Variants in CEP78 observed in about 807,000 individuals in gnomAD.
CEP78 encodes the protein centrosomal protein of 78 kDa.
CEP78 carries 76 observed loss-of-function variants against 81.2 expected under a neutral mutation model. The observed-to-expected ratio is 0.94, with a 90% confidence interval of 0.78 to 1.13. CEP78 has a LOEUF of 1.13. Ranked by LOEUF, CEP78 falls within the 50% of genes most tolerant of loss-of-function variation. The pLI is 0.00. For missense variants in CEP78, 918 were observed against 846.8 expected (o/e 1.08, Z -1.04); for synonymous variants, 293 against 301.4 (o/e 0.97, Z 0.29).
chr9:78,255,720 G>A (rs1826988801), intron 11 of CEP78, among the ~76,000 whole-genome samples: 1 of 152,062 alleles, frequency 6.6e-6, no homozygotes, highest in Admixed American at 6.5e-5. Flanking sequence ...ATATTAGAGG[G>A]AAAAATCTAT....
chr9:78,253,593 CCTTAAGTTTAAAAGAAATGTT>C, intron 10 of CEP78: 1 of 244,982 alleles, frequency 4.1e-6, no homozygotes, highest in Non-Finnish European at 8.0e-6. Flanking sequence ...TCAAGAATGT[CCTTAAGTTTAAAAGAAATGTT>C]CTTGGGGGAT....
chr9:78,240,038 A>C lies in CEP78; in HGVS notation c.269A>C (p.Lys90Thr), dbSNP rs1178390483. ...TTTGTTTTAGGTTCTGACATGAATAAATTTTGCAGAAGTCGTGTTCCTGCG... is the reference window on the plus strand; with the variant it reads ...TTTGTTTTAGGTTCTGACATGAATACATTTTGCAGAAGTCGTGTTCCTGCG... Reference protein sequence around the residue: ...WLGDTGSDMNKFCRSRVPAIR... With the variant: ...WLGDTGSDMNTFCRSRVPAIR... The change falls in exon 2 of 17, where the codon AAA becomes ACA. Residue 90 changes from lysine (K) to threonine (T), a missense_variant. By Grantham distance (78) the Lys-to-Thr change is moderately conservative (BLOSUM62 -1). Transcript: ENST00000643273. 2 of 1,576,712 alleles carry C rather than the reference A, an allele frequency of 1.3e-6. No individual in the cohort carries two copies.
intron 6 of CEP78, among the ~76,000 whole-genome samples, chr9:78,247,972 T>G (rs1826575874): frequency 6.6e-6 from 1 of 152,212 alleles, no homozygotes; most frequent in Admixed American, 6.5e-5. Context: ...CTTTTAAGCA[T>G]CTAAGTATCT....
At chr9:78,253,202 A>G in intron 9 of CEP78, 30 bp from the exon 10 acceptor site, 1 of 992,218 alleles carries the variant, frequency 1.0e-6, no homozygotes, top group Non-Finnish European at 1.6e-6. Flanking sequence ...TTACATCAAA[A>G]TATAACTTAA....
chr9:78,245,505 G>A (rs1041237814), intron 5 of CEP78, among the ~76,000 whole-genome samples: 2 of 152,224 alleles, frequency 1.3e-5, no homozygotes, highest in African/African-American at 4.8e-5. Flanking sequence ...CTACTACCCT[G>A]TTGTGGATTA....
At position 78,265,428 on chromosome 9, in the gene CEP78, G is replaced by A; in HGVS notation, c.1682G>A (p.Gly561Asp). The change falls in exon 14 of 17, where the codon GGT (glycine) becomes GAT (aspartate). Residue 561 changes from glycine (G) to aspartate (D), a missense_variant. Physicochemically the swap from Gly to Asp is moderately conservative, Grantham distance 94. Transcript: ENST00000643273. ...GATCAGTCAGATTTTCAATTACTAG[G>A]TCATCCCCAGATGACTTCTACTGTT... is the stretch of plus-strand genomic sequence containing the variant. ...GIDQSDFQLLGHPQMTSTVSN... is the reference protein window; with the variant it reads ...GIDQSDFQLLDHPQMTSTVSN... 6.2e-7 allele frequency: 1 copy of A among 1,604,448 alleles called. No individual in the cohort carries two copies. Among genetic ancestry groups the A allele is most frequent in the Non-Finnish European group, 8.5e-7 (1 of 1,175,274 alleles).
intron 5 of CEP78, among the ~76,000 whole-genome samples, chr9:78,244,190 A>C (rs1587560959): frequency 8.1e-6 from 1 of 123,790 alleles, no homozygotes. Flanking sequence ...CCCAGGCTGG[A>C]GTGCAATGGT....
chr9:78,258,837 AAAT>A (rs1157629960), intron 11 of CEP78, among the ~76,000 whole-genome samples: 3 of 152,182 alleles, frequency 2.0e-5, no homozygotes, highest in African/African-American at 7.2e-5. Context: ...GATTGGCAAA[AAAT>A]AAAATTTTAT....
At chr9:78,247,177 A>G (rs1299035608) in intron 6 of CEP78, among the ~76,000 whole-genome samples, 3 of 152,242 alleles carry the variant, frequency 2.0e-5, no homozygotes, top group Non-Finnish European at 2.9e-5. Flanking sequence ...TCTTGGTCTC[A>G]TAGAGCTTAC....
Position 78,253,271 on chromosome 9 carries a change from G to A in CEP78, c.1245G>A (p.Gln415=), listed in dbSNP as rs1309681712. 1 of 1,355,704 alleles carries A rather than the reference G, an allele frequency of 7.4e-7. No individual in the cohort carries two copies. The highest frequency in any genetic ancestry group is 1.0e-6 in the Non-Finnish European group (1 of 957,122). The allele number at this position is 1,355,704 out of a possible 1,614,324, so 84.0% of individuals were successfully genotyped here. A position where few individuals can be genotyped will look rare whatever the true frequency, so the allele number is the denominator to read the frequency against. Residue 415 remains glutamine, a synonymous_variant, in exon 10 of 17, where the codon CAG becomes CAA. Coordinates refer to ENST00000643273, the MANE Select transcript of CEP78 (RefSeq NM_001330691.3). The stretch of plus-strand genomic sequence containing the variant: ...TCAAAACACGTGATATATGTAATCA[G>A]TTGCAGGTACGTAGTTACCATGTTT... ...PLIKTRDICN[Q]LQQPGFPVTV... is the part of the protein sequence containing the mutation.
At chr9:78,267,146 A>T (rs1228566764) in intron 16 of CEP78, 11 of 848,468 alleles carry the variant, frequency 1.3e-5, no homozygotes, top group Non-Finnish European at 1.7e-5. Flanking sequence ...TTATAGTGAA[A>T]TTTTTGGTCT....
chr9:78,251,318 T>C (rs917811255), intron 8 of CEP78, among the ~76,000 whole-genome samples: 1 of 152,216 alleles, frequency 6.6e-6, no homozygotes, highest in African/African-American at 2.4e-5. Context: ...CCCAGCTACC[T>C]TCAGTCTTAC....
At chr9:78,264,377 G>GTTCCTCAGCAA in intron 13 of CEP78, 61 bp downstream of exon 13, 1 of 1,412,430 alleles carries the variant, frequency 7.1e-7, no homozygotes, top group Non-Finnish European at 9.8e-7. Context: ...TTTTGCTGAG[G>GTTCCTCAGCAA]AACTTGAGCA....
intron 5 of CEP78, among the ~76,000 whole-genome samples, chr9:78,244,708 T>G (rs1826399726): frequency 6.6e-6 from 1 of 152,204 alleles, no homozygotes; most frequent in Non-Finnish European, 1.5e-5. Context: ...ACATTTACCA[T>G]GTCATTTTTA....
chr9:78,263,039 CT>C (rs1827348634), intron 12 of CEP78, 55 bp downstream of exon 12: 5 of 1,067,864 alleles, frequency 4.7e-6, no homozygotes, highest in Non-Finnish European at 5.5e-6. Flanking sequence ...TTTGGTTTAA[CT>C]TTAAGTCATA....
Position 78,274,661 on chromosome 9 carries a change from C to G in CEP78, c.*3810C>G, listed in dbSNP as rs1042774328. 3.3e-5 allele frequency: 5 copies of G among 151,966 alleles called. No individual in the cohort carries two copies. Among genetic ancestry groups the G allele is most frequent in the South Asian group, 2.1e-4 (1 of 4,812 alleles). 9.4% of individuals were successfully genotyped at this position (151,966 alleles called of 1,614,324 possible). A position where few individuals can be genotyped will look rare whatever the true frequency, so the allele number is the denominator to read the frequency against. ...ATGAAGGTAAAAAACTTACAAAATT[C>G]AAAGATCATACAGATCATGTGCTCT... On this transcript the variant is annotated 3_prime_UTR_variant, in exon 17 of 17. Transcript: ENST00000643273.
In CEP78 at chr9:78,236,429, A is replaced by G. The variant is rs764920634; in HGVS notation, c.79A>G (p.Asn27Asp). ...SHYEYLCALQ[N>D]SVPLPAVRAC... ...CTACGAGTACCTGTGCGCGCTGCAG[A>G]ACTCGGTGCCGCTGCCCGCCGTGCG... Residue 27 changes from asparagine to aspartate, a missense_variant, in exon 1 of 17, where the codon AAC becomes GAC. Asn to Asp is a conservative substitution (Grantham distance 23). Transcript: ENST00000643273. 1.2e-6 allele frequency: 2 copies of G among 1,602,324 alleles called. No homozygotes were observed. The highest frequency in any genetic ancestry group is 2.3e-5 in the East Asian group (1 of 44,380).
At chr9:78,267,014 C>A in intron 16 of CEP78, 1 of 1,310,594 alleles carries the variant, frequency 7.6e-7, no homozygotes. Flanking sequence ...ATGACTAAAT[C>A]TTTTGAAACT....
intron 8 of CEP78, chr9:78,249,987 C>T (rs1251360478): frequency 6.6e-6 from 2 of 303,878 alleles, no homozygotes; most frequent in Non-Finnish European, 1.2e-5. Context: ...AAGGATATCA[C>T]TTGACTTAAT....
Sources: gnomAD v4.1 joint callset for allele counts (sites outside exome capture counted in the v4.1 genomes callset) on GRCh38, gnomAD v4.1.1 for gene constraint, MANE v1.5 for transcripts, NCBI Gene and HGNC (gene_info 2026-07-23, HGNC 2026-07-21) for gene names.